Variants in GALNT18 observed in about 807,000 individuals in gnomAD.
The protein encoded by GALNT18 is polypeptide N-acetylgalactosaminyltransferase 18, also known as GalNAc-transferase 18.
In GALNT18, 44 loss-of-function variants were observed where a neutral mutation model predicts 69.5. That is an observed-to-expected ratio of 0.63 (90% CI 0.50 to 0.81). The LOEUF is 0.81. Ranked by LOEUF, GALNT18 falls within the 40% of genes least tolerant of loss-of-function variation. GALNT18 has a pLI of 0.00. For synonymous variants in GALNT18, 364 were observed against 318.2 expected (o/e 1.14, Z -1.53); for missense variants, 715 against 810.0 (o/e 0.88, Z 1.42).
intron 3 of GALNT18, among the ~76,000 whole-genome samples, chr11:11,418,154 T>C (rs1246493512): frequency 6.6e-6 from 1 of 152,230 alleles, no homozygotes; most frequent in African/African-American, 2.4e-5. Flanking sequence ...TTTCTGTCTC[T>C]GTTTCCCTTC....
rs1860137866 is a variant in GALNT18 at position 11,619,607 on chromosome 11, A to G, written c.235+1752T>C. 6.6e-6 allele frequency among the ~76,000 whole-genome samples: 1 copy of G among 152,170 alleles called. No individual in the cohort carries two copies. The highest frequency in any genetic ancestry group is 2.4e-5 in the African/African-American group (1 of 41,444). ...AGAATCATTTTCCAGGAACACACACACACACAGAATCTGTGAATGAAAATC... is the reference window on the plus strand; with the variant it reads ...AGAATCATTTTCCAGGAACACACACGCACACAGAATCTGTGAATGAAAATC... On this transcript the variant is annotated intron_variant, in intron 1 of 10. Transcript: ENST00000227756. The surrounding 1 kb of genome is among the most constrained non-coding windows in gnomAD (Gnocchi z 4.9).
chr11:11,475,177 T>G (rs560663592), intron 1 of GALNT18: 39 of 99,286 alleles, frequency 3.9e-4, no homozygotes, highest in Admixed American at 3.0e-3. Context: ...CCAAACAAGA[T>G]CTCTTCTTTC....
At chr11:11,483,504 T>C (rs1238236343) in intron 1 of GALNT18, among the ~76,000 whole-genome samples, 3 of 152,170 alleles carry the variant, frequency 2.0e-5, no homozygotes, top group African/African-American at 7.2e-5. Flanking sequence ...ATTCTGAGGG[T>C]AAAGGCCATT....
rs1395217212 is a variant in GALNT18, at chr11:11,382,208, C to T, written c.596-2944G>A. 6.6e-6 allele frequency among the ~76,000 whole-genome samples: 1 copy of T among 152,156 alleles called. No individual in the cohort carries two copies. Among genetic ancestry groups the T allele is most frequent in the Non-Finnish European group, 1.5e-5 (1 of 68,026 alleles). On this transcript the variant is annotated intron_variant, in intron 3 of 10. Coordinates refer to ENST00000227756, the MANE Select transcript of GALNT18 (RefSeq NM_198516.3). The surrounding 1 kb of genome is among the most constrained non-coding windows in gnomAD (Gnocchi z 4.3). ...TGATTAGAAGAGGGAATTCTCTTAG[C>T]CCCAACCAAACAACTGCTATCCAAA...
chr11:11,595,900 T>A lies in GALNT18; in HGVS notation c.235+25459A>T, dbSNP rs542170434. On this transcript the variant is annotated intron_variant, in intron 1 of 10. Transcript: ENST00000227756. This position sits in a 1 kb window ranked among gnomAD's most constrained non-coding sequence, Gnocchi z 5.2. ...ATACAAAGTTTTAAATTTGATCAAA[T>A]CCAATTTATCCATTTTTTTTTGTCA... 1.1e-4 allele frequency among the ~76,000 whole-genome samples: 16 copies of A among 151,928 alleles called. No homozygotes were observed. The highest frequency in any genetic ancestry group is 3.2e-4 in the African/African-American group (13 of 41,216).
rs1044000037 is a variant in GALNT18, at chr11:11,338,131, C to A, written c.1278+2688G>T. Among the ~76,000 whole-genome samples the A allele has an allele frequency of 2.0e-5, 3 of 151,910 alleles. No individual in the cohort carries two copies. The highest frequency in any genetic ancestry group is 7.3e-5 in the African/African-American group (3 of 41,376). The stretch of plus-strand genomic sequence containing the variant: ...TACAGGCATGTGCCACCAAGCCTGG[C>A]TAATTTTTGTATTTTTAGTAGAGAT... On this transcript the variant is annotated intron_variant, in intron 7 of 10. Coordinates refer to ENST00000227756, the MANE Select transcript of GALNT18 (RefSeq NM_198516.3). The surrounding 1 kb of genome is among the most constrained non-coding windows in gnomAD (Gnocchi z 5.3).
chr11:11,271,367 G>T, intron 10 of GALNT18, 77 bp from the exon 11 acceptor site: 1 of 1,442,362 alleles, frequency 6.9e-7, no homozygotes, highest in South Asian at 1.2e-5. Context: ...AGGCCAAGTG[G>T]CTGGTGAGGG....
intron 3 of GALNT18, among the ~76,000 whole-genome samples, chr11:11,422,429 C>T (rs1162454563): frequency 1.3e-5 from 2 of 152,214 alleles, no homozygotes. Flanking sequence ...CCTAGTTGCA[C>T]TGGTCAAAGC....
At chr11:11,285,456 G>A (rs1033453052) in intron 10 of GALNT18, among the ~76,000 whole-genome samples, 1 of 152,158 alleles carries the variant, frequency 6.6e-6, no homozygotes, top group Non-Finnish European at 1.5e-5. Context: ...ATCTCACCCA[G>A]GTCTGGGTAG....
At chr11:11,487,780 T>A (rs1309164948) in intron 1 of GALNT18, among the ~76,000 whole-genome samples, 1 of 152,206 alleles carries the variant, frequency 6.6e-6, no homozygotes, top group Non-Finnish European at 1.5e-5. Flanking sequence ...CAGCACCTCC[T>A]GCAAGCTGGG....
intron 10 of GALNT18, among the ~76,000 whole-genome samples, chr11:11,290,025 T>G (rs577979180): frequency 4.7e-4 from 72 of 152,300 alleles, no homozygotes; most frequent in African/African-American, 1.7e-3. Flanking sequence ...TACAAGTGCC[T>G]GGCTGGGCTG....
rs150540652 is a variant in GALNT18 at position 11,462,850 on chromosome 11, C to T, written c.236-13914G>A. Among the ~76,000 whole-genome samples, 693 of 152,248 alleles carry T rather than the reference C, an allele frequency of 4.6e-3. 4 individuals are homozygous for T. The highest frequency in any genetic ancestry group is 0.016 in the African/African-American group (649 of 41,534). On this transcript the variant is annotated intron_variant, in intron 1 of 10. Coordinates refer to ENST00000227756, the MANE Select transcript of GALNT18 (RefSeq NM_198516.3). ...TCATTCCTGCTCAGTGCTCCCTCCA[C>T]CACCCGGGAGGGGTCCTGCAAAATG...
intron 1 of GALNT18, among the ~76,000 whole-genome samples, chr11:11,521,548 C>T (rs1011738653): frequency 1.3e-5 from 2 of 152,168 alleles, no homozygotes; most frequent in South Asian, 4.2e-4. Context: ...TCTGATTACA[C>T]CACGGAAGAA....
At chr11:11,381,840 C>A (rs1853927884) in intron 3 of GALNT18, among the ~76,000 whole-genome samples, 1 of 152,214 alleles carries the variant, frequency 6.6e-6, no homozygotes, top group Non-Finnish European at 1.5e-5. Flanking sequence ...TGATCCCAGC[C>A]TTTATTGCAG....
Position 11,314,047 on chromosome 11 carries a change from G to A in GALNT18, c.1512+13039C>T, listed in dbSNP as rs1363669262. Among the ~76,000 whole-genome samples, 1 of 152,180 alleles carries A rather than the reference G, an allele frequency of 6.6e-6. No homozygotes were observed. Among genetic ancestry groups the A allele is most frequent in the Non-Finnish European group, 1.5e-5 (1 of 68,042 alleles). On this transcript the variant is annotated intron_variant, in intron 9 of 10. Coordinates refer to ENST00000227756, the MANE Select transcript of GALNT18 (RefSeq NM_198516.3). The surrounding 1 kb of genome is among the most constrained non-coding windows in gnomAD (Gnocchi z 5.2). The stretch of plus-strand genomic sequence containing the variant: ...CCATTTTACTGATCAGGGAGGCTCA[G>A]TGAGGTAATGTGACTTGGCAGAGAG...
intron 10 of GALNT18, among the ~76,000 whole-genome samples, chr11:11,280,882 C>T (rs968979562): frequency 6.6e-6 from 1 of 152,188 alleles, no homozygotes; most frequent in East Asian, 1.9e-4. Flanking sequence ...CCCTTAGAAG[C>T]TAGACTCTTA....
Position 11,605,900 on chromosome 11 carries a change from A to C in GALNT18, c.235+15459T>G, listed in dbSNP as rs1221334567. Among the ~76,000 whole-genome samples, 1 of 152,190 alleles carries C rather than the reference A, an allele frequency of 6.6e-6. No homozygotes were observed. The highest frequency in any genetic ancestry group is 1.5e-5 in the Non-Finnish European group (1 of 68,030). On this transcript the variant is annotated intron_variant, in intron 1 of 10. Coordinates refer to ENST00000227756, the MANE Select transcript of GALNT18 (RefSeq NM_198516.3). The surrounding 1 kb of genome is among the most constrained non-coding windows in gnomAD (Gnocchi z 4.7). ...GCTCAGTGTGGAAAGCACACTGCAC[A>C]CACGCTCATGCGCACACACACACAC...
intron 6 of GALNT18, among the ~76,000 whole-genome samples, chr11:11,345,011 G>A (rs568712764): frequency 2.6e-5 from 4 of 152,180 alleles, no homozygotes; most frequent in African/African-American, 7.2e-5. Flanking sequence ...TAATTATTAC[G>A]TTGCTGCTAT....
rs549049015 is a variant in GALNT18 at position 11,404,323 on chromosome 11, A to G, written c.596-25059T>C. 9.8e-5 allele frequency among the ~76,000 whole-genome samples: 15 copies of G among 152,328 alleles called. No homozygotes were observed. The highest frequency in any genetic ancestry group is 3.1e-4 in the African/African-American group (13 of 41,584). On this transcript the variant is annotated intron_variant, in intron 3 of 10. Coordinates refer to ENST00000227756, the MANE Select transcript of GALNT18 (RefSeq NM_198516.3). This position sits in a 1 kb window ranked among gnomAD's most constrained non-coding sequence, Gnocchi z 4.5. ...CACCATCCATCTGTGAATAGGGGTAAGACAAGCGGGTATATTAGTTGGATT... is the reference window on the plus strand; with the variant it reads ...CACCATCCATCTGTGAATAGGGGTAGGACAAGCGGGTATATTAGTTGGATT...
Sources: gnomAD v4.1 joint callset for allele counts (sites outside exome capture counted in the v4.1 genomes callset) on GRCh38, gnomAD v4.1.1 for gene constraint, Gnocchi (gnomAD v3.1) non-coding constraint, MANE v1.5 for transcripts, NCBI Gene and HGNC (gene_info 2026-07-23, HGNC 2026-07-21) for gene names.